The following VPS13B variants were observed in gnomAD, a reference collection of about 807,000 sequenced individuals.
VPS13B encodes intermembrane lipid transfer protein VPS13B.
Under a neutral mutation model 426.4 loss-of-function variants are expected in VPS13B, and 285 were observed. The observed-to-expected ratio is 0.67, with a 90% confidence interval of 0.61 to 0.74. VPS13B has a LOEUF of 0.74. Among genes scored for constraint, VPS13B ranks in the 30% least tolerant of loss-of-function variants. VPS13B has a pLI of 0.00. For synonymous variants in VPS13B, 1,676 were observed against 1,676.4 expected, an observed-to-expected ratio of 1.00 and a Z score of 0.01; for missense variants, 4,537 against 4,782.6, an observed-to-expected ratio of 0.95 and a Z score of 1.51.
At chr8:99,704,119 T>A (rs1832402053) in intron 36 of VPS13B, among the ~76,000 whole-genome samples, 1 of 152,124 alleles carries the variant, frequency 6.6e-6, no homozygotes, top group Non-Finnish European at 1.5e-5. Context: ...TGAGTTGAAC[T>A]CCTTCTAGTC....
chr8:99,776,977 A>C, intron 41 of VPS13B, 21 bp downstream of exon 41: 7 of 1,608,308 alleles, frequency 4.4e-6, no homozygotes, highest in Non-Finnish European at 6.0e-6. Flanking sequence ...TTTTAGCATC[A>C]GAATAACATC....
Position 99,087,704 on chromosome 8 carries a change from TCCTGA to T in VPS13B, c.292-8607_292-8603del, listed in dbSNP as rs573970502. 1.9e-3 allele frequency among the ~76,000 whole-genome samples: 290 copies of T among 151,508 alleles called. 4 individuals are homozygous for T. The highest frequency in any genetic ancestry group is 3.6e-3 in the South Asian group (17 of 4,758). ...TTCAAGCAGTTCTCCACCCTCAGCC[TCCTGA>T]GTAGCTGGGATTATAGGAATATGCT... On this transcript the variant is annotated intron_variant, in intron 3 of 61. Coordinates refer to ENST00000357162, the MANE Select transcript of VPS13B (RefSeq NM_152564.5).
At chr8:99,536,955 T>C (rs1329968375) in intron 30 of VPS13B, 6 of 386,530 alleles carry the variant, frequency 1.6e-5, no homozygotes, top group Non-Finnish European at 1.5e-5. Context: ...ATAGAACTTA[T>C]ATTAATGAGA....
At chr8:99,781,427 G>A (rs1445740952) in intron 42 of VPS13B, among the ~76,000 whole-genome samples, 2 of 152,094 alleles carry the variant, frequency 1.3e-5, no homozygotes, top group Non-Finnish European at 2.9e-5. Flanking sequence ...ATGTGGATAA[G>A]CCATCTTTTA....
At chr8:99,186,363 T>C (rs1319056967) in intron 16 of VPS13B, among the ~76,000 whole-genome samples, 1 of 152,072 alleles carries the variant, frequency 6.6e-6, no homozygotes, top group Non-Finnish European at 1.5e-5. Context: ...TATTGACACT[T>C]TAATGACTCC....
chr8:99,482,120 C>T (rs1813028433), intron 25 of VPS13B, among the ~76,000 whole-genome samples: 1 of 152,048 alleles, frequency 6.6e-6, no homozygotes, highest in Non-Finnish European at 1.5e-5. Context: ...CTCATGCTTC[C>T]CCTTTCCCTA....
At chr8:99,750,783 G>A (rs973847551) in intron 39 of VPS13B, among the ~76,000 whole-genome samples, 113 of 152,234 alleles carry the variant, frequency 7.4e-4, no homozygotes, top group African/African-American at 2.6e-3. Context: ...ACCATACATG[G>A]GGTGTTTTGG....
chr8:99,660,249 G>A (rs1830171356), intron 34 of VPS13B, among the ~76,000 whole-genome samples: 2 of 152,074 alleles, frequency 1.3e-5, no homozygotes, highest in African/African-American at 2.4e-5. Flanking sequence ...CACATGATAA[G>A]GTCAAGAAAT....
intron 43 of VPS13B, among the ~76,000 whole-genome samples, chr8:99,792,143 T>C (rs1312658675): frequency 6.6e-6 from 1 of 152,188 alleles, no homozygotes; most frequent in African/African-American, 2.4e-5. Context: ...AGTTTGAGTC[T>C]AAACAAGTTA....
chr8:99,087,600 A>T (rs1411946894), intron 3 of VPS13B, among the ~76,000 whole-genome samples: 1 of 145,714 alleles, frequency 6.9e-6, no homozygotes, highest in Admixed American at 6.9e-5. Flanking sequence ...TCTTGGCTCC[A>T]CCCACTGTTT....
At chr8:99,866,003 A>T (rs1041563115) in intron 58 of VPS13B, among the ~76,000 whole-genome samples, 1 of 152,196 alleles carries the variant, frequency 6.6e-6, no homozygotes, top group Non-Finnish European at 1.5e-5. Flanking sequence ...AAGGCACAAC[A>T]GGCAATAGCT....
chr8:99,820,470 C>T lies in VPS13B; in HGVS notation c.8994+348C>T, dbSNP rs967763868. ...TGTGCTTATCCATACCCTAGGTACT[C>T]TTTGCTGTTCTTCTGGAAATTCTCT... On this transcript the variant is annotated intron_variant, in intron 49 of 61. Transcript: ENST00000357162. Among the ~76,000 whole-genome samples, 4 of 152,154 alleles carry T rather than the reference C, an allele frequency of 2.6e-5. No homozygotes were observed. In the South Asian group the frequency reaches 6.2e-4, roughly 24 times the overall value.
At chr8:99,577,455 G>A (rs1407326191) in intron 32 of VPS13B, 35 bp from the exon 33 acceptor site, 3 of 1,612,840 alleles carry the variant, frequency 1.9e-6, no homozygotes, top group South Asian at 1.1e-5. Context: ...AAGCTATCAT[G>A]TTTCTTTATC....
At chr8:99,333,855 T>C (rs1810675450) in intron 19 of VPS13B, among the ~76,000 whole-genome samples, 1 of 152,050 alleles carries the variant, frequency 6.6e-6, no homozygotes, top group Non-Finnish European at 1.5e-5. Context: ...GTCTAGTGTT[T>C]TACACAATGT....
At chr8:99,581,967 T>A (rs1179825727) in intron 33 of VPS13B, among the ~76,000 whole-genome samples, 1 of 152,222 alleles carries the variant, frequency 6.6e-6, no homozygotes. Context: ...GATTCTTACA[T>A]GTTAGTTCCT....
chr8:99,523,083 C>G (rs868137646), intron 30 of VPS13B, among the ~76,000 whole-genome samples: 5 of 152,106 alleles, frequency 3.3e-5, no homozygotes, highest in Non-Finnish European at 5.9e-5. Flanking sequence ...CCAGAATAGA[C>G]AAACTCAGAG....
At chr8:99,024,413 C>G (rs1055121513) in intron 2 of VPS13B, among the ~76,000 whole-genome samples, 2 of 152,196 alleles carry the variant, frequency 1.3e-5, no homozygotes, top group African/African-American at 4.8e-5. Flanking sequence ...ATGTTTTCTT[C>G]TAGTAGTTCC....
chr8:99,830,767 A>G (rs561538125), intron 51 of VPS13B, among the ~76,000 whole-genome samples: 3 of 152,142 alleles, frequency 2.0e-5, no homozygotes, highest in Non-Finnish European at 2.9e-5. Context: ...GTGGGTTGCA[A>G]AGACCCTGGG....
rs139623028 is a variant in VPS13B at position 99,207,348 on chromosome 8, A to C, written c.2515+14291A>C. On this transcript the variant is annotated intron_variant, in intron 17 of 61. Coordinates refer to ENST00000357162, the MANE Select transcript of VPS13B (RefSeq NM_152564.5). ...TGCAACACTAGGAATAAAGGGGTTAAAGACACACTTAGAATGTTAAGTTAT... is the reference window on the plus strand; with the variant it reads ...TGCAACACTAGGAATAAAGGGGTTACAGACACACTTAGAATGTTAAGTTAT... Among the ~76,000 whole-genome samples, 1,161 of 152,300 alleles carry C rather than the reference A, an allele frequency of 7.6e-3. 6 individuals are homozygous for C. The highest frequency in any genetic ancestry group is 0.012 in the Non-Finnish European group (792 of 68,010).
Sources: gnomAD v4.1 joint callset for allele counts (sites outside exome capture counted in the v4.1 genomes callset) on GRCh38, gnomAD v4.1.1 for gene constraint, MANE v1.5 for transcripts, NCBI Gene and HGNC (gene_info 2026-07-23, HGNC 2026-07-21) for gene names.